The following USP45 variants were observed in gnomAD, a reference collection of about 807,000 sequenced individuals.
USP45 encodes the protein ubiquitin specific peptidase 45.
USP45 carries 89 observed loss-of-function variants against 95.8 expected under a neutral mutation model. That is an observed-to-expected ratio of 0.93 (90% CI 0.78 to 1.11). The LOEUF is 1.11. Among genes scored for constraint, USP45 ranks in the 50% least tolerant of loss-of-function variants. The pLI is 0.00. For synonymous variants in USP45, 281 were observed against 316.2 expected (o/e 0.89, Z 1.18); for missense variants, 898 against 942.5 (o/e 0.95, Z 0.62).
intron 2 of USP45, 64 bp downstream of exon 2, chr6:99,510,057 G>T: frequency 7.9e-7 from 1 of 1,271,116 alleles, no homozygotes; most frequent in Non-Finnish European, 1.1e-6. Context: ...CCATGTTGTT[G>T]AAGGGTCAAC....
In USP45 at chr6:99,438,204, G is replaced by A. The variant is rs1419506035; in HGVS notation, c.2161-805C>T. ...AGTATTATGCTGCTTGAAAAATGGA[G>A]TGTAGACTATCTCTAAATGGTGCTA... On this transcript the variant is annotated intron_variant, in intron 16 of 17. Transcript: ENST00000500704. Among the ~76,000 whole-genome samples the A allele has an allele frequency of 3.3e-5, 5 of 152,272 alleles. No homozygotes were observed. In the East Asian group the frequency reaches 5.8e-4, roughly 18 times the overall value.
At chr6:99,465,536 CTTTAAGATAA>C (rs1314989272) in intron 11 of USP45, among the ~76,000 whole-genome samples, 1 of 152,052 alleles carries the variant, frequency 6.6e-6, no homozygotes, top group Admixed American at 6.5e-5. Flanking sequence ...TTTATAGATT[CTTTAAGATAA>C]TTTTGTTTTA....
chr6:99,447,755 GGTCCC>G (rs1428258027), intron 13 of USP45, among the ~76,000 whole-genome samples: 3 of 152,190 alleles, frequency 2.0e-5, no homozygotes, highest in Non-Finnish European at 2.9e-5. Flanking sequence ...TCCTCAAGTG[GGTCCC>G]TGACCTCCGA....
intron 13 of USP45, chr6:99,460,885 A>G: frequency 4.1e-6 from 4 of 973,944 alleles, no homozygotes; most frequent in Non-Finnish European, 3.7e-6. Context: ...AATTAAAACC[A>G]AAAGTGCATG....
At chr6:99,504,930 C>G (rs1442277134) in intron 4 of USP45, among the ~76,000 whole-genome samples, 1 of 152,000 alleles carries the variant, frequency 6.6e-6, no homozygotes, top group Non-Finnish European at 1.5e-5. Flanking sequence ...CTGGCCTAGA[C>G]GAAACAAGAC....
In USP45 at chr6:99,482,736, A is replaced by C; in HGVS notation, c.845+17T>G. 3 of 1,574,386 alleles carry C rather than the reference A, an allele frequency of 1.9e-6. No individual in the cohort carries two copies. The highest frequency in any genetic ancestry group is 2.6e-6 in the Non-Finnish European group (3 of 1,165,244). On this transcript the variant is annotated intron_variant, in intron 8 of 17. Transcript: ENST00000500704. The stretch of plus-strand genomic sequence containing the variant: ...TTGTAACTCATAATTATTTATATTA[A>C]ATGTAGATGCACCCACTTCTGACAA...
Position 99,449,944 on chromosome 6 carries a change from G to A in USP45, c.1309-3481C>T, listed in dbSNP as rs574185064. Among the ~76,000 whole-genome samples, 121 of 152,246 alleles carry A rather than the reference G, an allele frequency of 7.9e-4. 1 individual carries two copies. Among genetic ancestry groups the A allele is most frequent in the African/African-American group, 2.6e-3 (109 of 41,544 alleles). ...CCTGAATGACTACTGGTTACATAACGAAATGAAGGCAGAAATAAAGATGCT... is the reference window on the plus strand; with the variant it reads ...CCTGAATGACTACTGGTTACATAACAAAATGAAGGCAGAAATAAAGATGCT... On this transcript the variant is annotated intron_variant, in intron 13 of 17. Transcript: ENST00000500704.
intron 13 of USP45, among the ~76,000 whole-genome samples, chr6:99,458,427 A>T (rs1160170647): frequency 1.3e-5 from 2 of 152,200 alleles, no homozygotes; most frequent in African/African-American, 4.8e-5. Flanking sequence ...TAGTGGCAAG[A>T]AGGACAGACT....
intron 9 of USP45, among the ~76,000 whole-genome samples, chr6:99,470,426 G>A (rs1789124625): frequency 6.6e-6 from 1 of 152,134 alleles, no homozygotes; most frequent in Non-Finnish European, 1.5e-5. Flanking sequence ...ACTGGCCTGT[G>A]ATTAACACAT....
At chr6:99,510,440 TA>T (rs2128815277) in intron 1 of USP45, among the ~76,000 whole-genome samples, 1 of 152,364 alleles carries the variant, frequency 6.6e-6, no homozygotes, top group East Asian at 1.9e-4. Context: ...TTTTGCCAAC[TA>T]TACCATTATG....
At chr6:99,511,892 T>C (rs544425232) in intron 1 of USP45, among the ~76,000 whole-genome samples, 6 of 143,550 alleles carry the variant, frequency 4.2e-5, no homozygotes, top group East Asian at 4.0e-4. Flanking sequence ...TATATACACA[T>C]AGTTGAACTA....
At position 99,476,224 on chromosome 6, in the gene USP45, A is replaced by G; in HGVS notation, c.852T>C (p.Pro284=). Residue 284 remains proline (P), a synonymous_variant, in exon 9 of 18, where the codon CCT becomes CCC. Coordinates refer to ENST00000500704, the MANE Select transcript of USP45 (RefSeq NM_001346022.3). The part of the protein sequence containing the change: ...VLFNQLCQKA[P]RFKDFQQQDS... ...CCTGTTGCTGGAAATCTTTAAATCGAGGTGCCCTGTGATTTAAAAACAAAA... is the reference window on the plus strand; with the variant it reads ...CCTGTTGCTGGAAATCTTTAAATCGGGGTGCCCTGTGATTTAAAAACAAAA... 1.2e-6 allele frequency: 2 copies of G among 1,613,866 alleles called. No homozygotes were observed.
intron 15 of USP45, among the ~76,000 whole-genome samples, chr6:99,442,713 G>A (rs901247939): frequency 6.6e-6 from 1 of 151,832 alleles, no homozygotes; most frequent in Non-Finnish European, 1.5e-5. Flanking sequence ...TAGGTGTGGT[G>A]GCACACACCT....
At chr6:99,464,563 CTG>C in intron 13 of USP45, 39 bp downstream of exon 13, 1 of 1,580,796 alleles carries the variant, frequency 6.3e-7, no homozygotes. Flanking sequence ...TGTTAATAAA[CTG>C]TTAAAAAACA....
At chr6:99,505,708 C>T (rs1034629081) in intron 4 of USP45, among the ~76,000 whole-genome samples, 1 of 151,828 alleles carries the variant, frequency 6.6e-6, no homozygotes, top group African/African-American at 2.4e-5. Flanking sequence ...AATCTTCTTA[C>T]CCACCTTTTT....
chr6:99,446,578 C>G, intron 13 of USP45, 115 bp from the exon 14 acceptor site: 1 of 1,006,162 alleles, frequency 9.9e-7, no homozygotes, highest in Non-Finnish European at 1.4e-6. Flanking sequence ...AGATCCATTT[C>G]CTAAGCCTAC....
In USP45 at chr6:99,456,448, C is replaced by T. The variant is rs181908433; in HGVS notation, c.1308+8156G>A. Among the ~76,000 whole-genome samples the T allele has an allele frequency of 2.5e-3, 379 of 152,254 alleles. 2 individuals are homozygous for T. The highest frequency in any genetic ancestry group is 4.4e-3 in the Non-Finnish European group (302 of 68,018). On this transcript the variant is annotated intron_variant, in intron 13 of 17. Coordinates refer to ENST00000500704, the MANE Select transcript of USP45 (RefSeq NM_001346022.3). ...CCTGACTACTGTGGGAAGTCAGGGA[C>T]CCCAAATGGAGGGACCGGCTGAAGC...
chr6:99,494,237 T>C (rs527896415), intron 5 of USP45, among the ~76,000 whole-genome samples: 8 of 152,316 alleles, frequency 5.3e-5, no homozygotes, highest in Middle Eastern at 3.4e-3. Flanking sequence ...TTATCACTTC[T>C]ATATTACTAA....
chr6:99,478,927 AG>A (rs1791576961), intron 8 of USP45, among the ~76,000 whole-genome samples: 2 of 152,074 alleles, frequency 1.3e-5, no homozygotes, highest in African/African-American at 4.8e-5. Flanking sequence ...TGCCAAGTGA[AG>A]GAAGTCAGAT....
Sources: allele counts gnomAD v4.1 joint callset (sites outside exome capture counted in the v4.1 genomes callset), GRCh38; gene constraint gnomAD v4.1.1; transcripts MANE v1.5; gene names NCBI Gene and HGNC (gene_info 2026-07-23, HGNC 2026-07-21).